The following NCAM2 variants were observed in gnomAD, a reference collection of about 807,000 sequenced individuals.
NCAM2 encodes the protein N-CAM-2.
Under a neutral mutation model 98.1 loss-of-function variants are expected in NCAM2, and 30 were observed. The ratio of observed to expected loss-of-function variants is 0.31; its 90% confidence interval spans 0.23 to 0.41. The LOEUF is 0.41. Ranked by LOEUF, NCAM2 falls within the 10% of genes least tolerant of loss-of-function variation. NCAM2 has a pLI of 1.00. For missense variants in NCAM2, 867 were observed against 1,005.8 expected (o/e 0.86, Z 1.87); for synonymous variants, 368 against 342.4 (o/e 1.07, Z -0.83).
At chr21:21,300,780 T>TAC (rs2073683832) in intron 5 of NCAM2, among the ~76,000 whole-genome samples, 2 of 6,258 alleles carry the variant, frequency 3.2e-4, no homozygotes, top group Non-Finnish European at 6.4e-4. Flanking sequence ...TCATAATTAT[T>TAC]ACTTAGTTTT....
At chr21:21,027,697 C>T (rs536577071) in intron 1 of NCAM2, among the ~76,000 whole-genome samples, 13 of 152,200 alleles carry the variant, frequency 8.5e-5, no homozygotes, top group African/African-American at 2.4e-4. Flanking sequence ...AGGTGTTTAG[C>T]CTGGATACGT....
chr21:21,008,325 C>T (rs1262484094), intron 1 of NCAM2, among the ~76,000 whole-genome samples: 1 of 152,048 alleles, frequency 6.6e-6, no homozygotes, highest in Non-Finnish European at 1.5e-5. Context: ...ATCTTTACAC[C>T]AGGTAAAACT....
intron 1 of NCAM2, among the ~76,000 whole-genome samples, chr21:21,238,578 A>G (rs1367955195): frequency 6.6e-6 from 1 of 151,172 alleles, no homozygotes; most frequent in Non-Finnish European, 1.5e-5. Flanking sequence ...AATTAAATTT[A>G]AAAATATATT....
intron 15 of NCAM2, among the ~76,000 whole-genome samples, chr21:21,507,520 A>G (rs201033007): frequency 1.0e-3 from 153 of 152,192 alleles, no homozygotes; most frequent in African/African-American, 3.2e-3. Flanking sequence ...TGGGCTAGGC[A>G]CGGTGGCTCA....
At chr21:21,436,944 T>C (rs1175663285) in intron 12 of NCAM2, among the ~76,000 whole-genome samples, 1 of 151,788 alleles carries the variant, frequency 6.6e-6, no homozygotes, top group East Asian at 1.9e-4. Flanking sequence ...TTTTTTATTT[T>C]TGTATTTTTT....
chr21:21,082,911 T>C (rs7510242), intron 1 of NCAM2, among the ~76,000 whole-genome samples: 136,880 of 152,186 alleles, frequency 0.9, 62,245 homozygotes, highest in East Asian at 0.99. Context: ...AGAATTGAGG[T>C]CAAATATCCA....
chr21:21,484,357 G>GT (rs1569109730), intron 15 of NCAM2, among the ~76,000 whole-genome samples: 2 of 151,776 alleles, frequency 1.3e-5, no homozygotes, highest in African/African-American at 4.8e-5. Flanking sequence ...CTACTGTCAC[G>GT]TTTTTTCTCT....
chr21:21,493,081 C>T (rs758370909), intron 15 of NCAM2, among the ~76,000 whole-genome samples: 2 of 151,864 alleles, frequency 1.3e-5, no homozygotes, highest in Non-Finnish European at 2.9e-5. Flanking sequence ...ATATAATAGC[C>T]TGTGACTCAC....
At chr21:21,061,311 G>T (rs1320508483) in intron 1 of NCAM2, among the ~76,000 whole-genome samples, 1 of 152,144 alleles carries the variant, frequency 6.6e-6, no homozygotes, top group African/African-American at 2.4e-5. Flanking sequence ...TAATTACAAC[G>T]TGGCTGCTAT....
At chr21:21,187,203 G>A (rs1440589476) in intron 1 of NCAM2, among the ~76,000 whole-genome samples, 37 of 152,092 alleles carry the variant, frequency 2.4e-4, no homozygotes, top group Admixed American at 2.4e-3. Context: ...CAGGCTGGGC[G>A]ACAGAGCGAA....
chr21:21,531,193 T>G (rs1989673423), intron 16 of NCAM2, among the ~76,000 whole-genome samples: 1 of 152,196 alleles, frequency 6.6e-6, no homozygotes, highest in African/African-American at 2.4e-5. Flanking sequence ...TTTGTATTAC[T>G]TGCAAATATT....
At chr21:21,042,520 C>T (rs1326866314) in intron 1 of NCAM2, among the ~76,000 whole-genome samples, 1 of 152,076 alleles carries the variant, frequency 6.6e-6, no homozygotes, top group Admixed American at 6.6e-5. Context: ...AGATATAAGC[C>T]TCATTTTTCT....
chr21:21,152,083 A>G (rs1267179298), intron 1 of NCAM2, among the ~76,000 whole-genome samples: 3 of 151,922 alleles, frequency 2.0e-5, no homozygotes, highest in African/African-American at 7.2e-5. Context: ...AACTCCATGT[A>G]TGTTGGACTG....
At chr21:21,340,626 G>T (rs1315795897) in intron 8 of NCAM2, among the ~76,000 whole-genome samples, 1 of 151,904 alleles carries the variant, frequency 6.6e-6, no homozygotes, top group Non-Finnish European at 1.5e-5. Flanking sequence ...TAAGTCTATT[G>T]TATTTCTATT....
intron 1 of NCAM2, among the ~76,000 whole-genome samples, chr21:21,066,638 G>T (rs1167236460): frequency 3.3e-5 from 5 of 152,176 alleles, no homozygotes; most frequent in Non-Finnish European, 5.9e-5. Flanking sequence ...ATTTTCCAAT[G>T]ATGTATTTTA....
At chr21:21,140,637 T>C (rs1196623016) in intron 1 of NCAM2, among the ~76,000 whole-genome samples, 1 of 152,176 alleles carries the variant, frequency 6.6e-6, no homozygotes, top group Non-Finnish European at 1.5e-5. Context: ...ATACCCTGAT[T>C]TACAGCTGTT....
chr21:21,401,335 G>T (rs1569022331), intron 9 of NCAM2, among the ~76,000 whole-genome samples: 1 of 152,122 alleles, frequency 6.6e-6, no homozygotes, highest in Non-Finnish European at 1.5e-5. Flanking sequence ...CATTTGAAAT[G>T]TACTGTCTTA....
intron 2 of NCAM2, among the ~76,000 whole-genome samples, chr21:21,282,754 TA>T (rs2072973025): frequency 6.6e-6 from 1 of 151,838 alleles, no homozygotes. Context: ...AGTTTAATGC[TA>T]TTTATAAATA....
intron 1 of NCAM2, among the ~76,000 whole-genome samples, chr21:21,175,094 A>T (rs1569109393): frequency 6.6e-6 from 1 of 152,210 alleles, no homozygotes; most frequent in Non-Finnish European, 1.5e-5. Context: ...CAGAAAAATA[A>T]CATAATTTGA....
Sources: gnomAD v4.1 joint callset for allele counts (sites outside exome capture counted in the v4.1 genomes callset) on GRCh38, gnomAD v4.1.1 for gene constraint, MANE v1.5 for transcripts, NCBI Gene and HGNC (gene_info 2026-07-23, HGNC 2026-07-21) for gene names.